The following IGF2R variants were observed in gnomAD, a reference collection of about 807,000 sequenced individuals.
IGF2R encodes insulin like growth factor 2 receptor.
In IGF2R, 91 loss-of-function variants were observed where a neutral mutation model predicts 270.6. That is an observed-to-expected ratio of 0.34 (90% CI 0.28 to 0.40). The LOEUF (loss-of-function observed/expected upper bound fraction) is 0.40, where lower values mean the gene tolerates loss of function less well. Among genes scored for constraint, IGF2R ranks in the 10% least tolerant of loss-of-function variants. The probability of loss-of-function intolerance (pLI) is 1.00; values close to 1 mark genes in which losing one functional copy is unlikely to be tolerated. For missense variants in IGF2R, 2,805 were observed against 3,188.3 expected (o/e 0.88, Z 2.90); for synonymous variants, 1,316 against 1,258.9 (o/e 1.05, Z -0.96).
intron 44 of IGF2R, chr6:160,093,959 A>T: frequency 2.9e-6 from 2 of 689,346 alleles, no homozygotes; most frequent in Non-Finnish European, 5.5e-6. Flanking sequence ...GAGAAGGTGG[A>T]TGTAGAACAG....
At chr6:160,010,023 T>A (rs1562341984) in intron 3 of IGF2R, among the ~76,000 whole-genome samples, 1 of 152,216 alleles carries the variant, frequency 6.6e-6, no homozygotes, top group Non-Finnish European at 1.5e-5. Flanking sequence ...TAAATGAGAT[T>A]TATATTACAG....
At chr6:159,992,665 A>G (rs1266094368) in intron 2 of IGF2R, among the ~76,000 whole-genome samples, 7 of 152,052 alleles carry the variant, frequency 4.6e-5, no homozygotes, top group Admixed American at 3.3e-4. Context: ...CCAGTCATCC[A>G]TTGATGGACA....
chr6:160,039,653 C>T (rs1021972887), intron 10 of IGF2R, among the ~76,000 whole-genome samples: 1 of 152,150 alleles, frequency 6.6e-6, no homozygotes, highest in African/African-American at 2.4e-5. Context: ...TACCAAACCT[C>T]AAGAAGGCAG....
intron 2 of IGF2R, among the ~76,000 whole-genome samples, chr6:160,008,146 G>A (rs1784275689): frequency 6.6e-6 from 1 of 152,178 alleles, no homozygotes; most frequent in Non-Finnish European, 1.5e-5. Context: ...AAGCCATTCT[G>A]GGCTGTATGT....
At chr6:160,103,840 G>T (rs201417797) in intron 47 of IGF2R, 25 bp downstream of exon 47, 1 of 1,530,444 alleles carries the variant, frequency 6.5e-7, no homozygotes, top group South Asian at 1.1e-5. Context: ...CGAGTCTCTT[G>T]AAGGCCTGCC....
intron 9 of IGF2R, 80 bp from the exon 10 acceptor site, chr6:160,034,339 T>G (rs1777765901): frequency 1.0e-5 from 9 of 877,104 alleles, no homozygotes; most frequent in Non-Finnish European, 1.7e-5. Context: ...GCAAAAGGCT[T>G]AATGTAGACA....
chr6:160,044,965 A>G (rs116929521), intron 13 of IGF2R, among the ~76,000 whole-genome samples: 4 of 152,336 alleles, frequency 2.6e-5, no homozygotes, highest in Non-Finnish European at 5.9e-5. Flanking sequence ...ACTTCCTTCA[A>G]AGGGGAAAAA....
At chr6:159,982,664 A>T (rs1278372754) in intron 1 of IGF2R, among the ~76,000 whole-genome samples, 1 of 152,236 alleles carries the variant, frequency 6.6e-6, no homozygotes, top group Non-Finnish European at 1.5e-5. Flanking sequence ...CAGTAGTAAA[A>T]TGTTTAATAG....
At chr6:160,000,735 T>TTTTTTG (rs1784115450) in intron 2 of IGF2R, among the ~76,000 whole-genome samples, 2 of 138,534 alleles carry the variant, frequency 1.4e-5, no homozygotes, top group African/African-American at 5.7e-5. Flanking sequence ...GTTGTTTTTT[T>TTTTTTG]TTTTTTTTTT....
In IGF2R at chr6:160,089,112, A is replaced by G. The variant is rs779654748; in HGVS notation, c.6326A>G (p.Asp2109Gly). 1 of 1,612,924 alleles carries G rather than the reference A, an allele frequency of 6.2e-7. No individual in the cohort carries two copies. The highest frequency in any genetic ancestry group is 1.1e-5 in the South Asian group (1 of 90,906). Reference sequence around the variant, plus strand: ...CTGTGCTTCCCTCCTCCTAGGTTTGATATCGACAGCTGCACTTACTACTTC... The same window carrying G: ...CTGTGCTTCCCTCCTCCTAGGTTTGGTATCGACAGCTGCACTTACTACTTC... ...TVGRPAFKRF[D>G]IDSCTYYFSW... The change falls in exon 43 of 48, where the codon GAT (aspartate) becomes GGT (glycine). Residue 2109 changes from aspartate (D) to glycine (G), a missense_variant. Physicochemically the swap from Asp to Gly is moderately conservative, Grantham distance 94. Coordinates refer to ENST00000356956, the MANE Select transcript of IGF2R (RefSeq NM_000876.4).
At chr6:159,971,004 G>A (rs1177561394) in intron 1 of IGF2R, among the ~76,000 whole-genome samples, 2 of 152,334 alleles carry the variant, frequency 1.3e-5, no homozygotes, top group East Asian at 3.9e-4. Context: ...CGTTAGCCCC[G>A]CAGGTCGAGG....
chr6:159,983,669 T>G (rs751020875), intron 1 of IGF2R, among the ~76,000 whole-genome samples: 1 of 152,224 alleles, frequency 6.6e-6, no homozygotes, highest in Non-Finnish European at 1.5e-5. Context: ...CGTTTCCTGC[T>G]GGGCCTGATG....
rs1272609976 is a variant in IGF2R, at chr6:159,998,192, A to G, written c.289+6869A>G. 1.3e-5 allele frequency among the ~76,000 whole-genome samples: 2 copies of G among 152,252 alleles called. No individual in the cohort carries two copies. The highest frequency in any genetic ancestry group is 2.9e-5 in the Non-Finnish European group (2 of 68,048). ...AGTGTTATGTAGGTGTTCAGAAAGA[A>G]GGAAAAGTAGCTTTCTTCTTGATTT... On this transcript the variant is annotated intron_variant, in intron 2 of 47. Coordinates refer to ENST00000356956, the MANE Select transcript of IGF2R (RefSeq NM_000876.4). The surrounding 1 kb of genome is among the most constrained non-coding windows in gnomAD (Gnocchi z 4.1).
At chr6:160,049,298 A>G (rs1778141435) in intron 18 of IGF2R, among the ~76,000 whole-genome samples, 1 of 152,136 alleles carries the variant, frequency 6.6e-6, no homozygotes, top group East Asian at 1.9e-4. Flanking sequence ...GAACTTGCCT[A>G]CTTGAGAACA....
At chr6:160,066,471 T>A (rs1310664480) in intron 29 of IGF2R, among the ~76,000 whole-genome samples, 2 of 152,156 alleles carry the variant, frequency 1.3e-5, no homozygotes, top group Non-Finnish European at 2.9e-5. Context: ...GATATTTTTA[T>A]GCTAAGTTTT....
At chr6:160,093,969 G>A (rs867670734) in intron 44 of IGF2R, 5 of 682,582 alleles carry the variant, frequency 7.3e-6, no homozygotes, top group African/African-American at 3.6e-5. Context: ...ATGTAGAACA[G>A]AAAATGAGCA....
chr6:160,098,848 C>T (rs1466254112), intron 45 of IGF2R, among the ~76,000 whole-genome samples: 1 of 152,062 alleles, frequency 6.6e-6, no homozygotes, highest in Non-Finnish European at 1.5e-5. Context: ...CTATAACAAA[C>T]AGGTAGCAAT....
chr6:160,003,512 G>C (rs1784162485), intron 2 of IGF2R: 1 of 152,212 alleles, frequency 6.6e-6, no homozygotes, highest in African/African-American at 2.4e-5. Context: ...TGGCAAATAT[G>C]CTGGAACAAT....
chr6:160,092,464 C>T (rs188388154), intron 44 of IGF2R, among the ~76,000 whole-genome samples: 14 of 152,378 alleles, frequency 9.2e-5, no homozygotes, highest in Admixed American at 3.3e-4. Context: ...CTTGTGCATG[C>T]GCATTTAGTC....
Sources: allele counts gnomAD v4.1 joint callset (sites outside exome capture counted in the v4.1 genomes callset), GRCh38; gene constraint gnomAD v4.1.1; non-coding constraint Gnocchi (gnomAD v3.1); transcripts MANE v1.5; gene names NCBI Gene and HGNC (gene_info 2026-07-23, HGNC 2026-07-21).